The following MPP7 variants were observed in gnomAD, a reference collection of about 807,000 sequenced individuals.
MPP7 encodes the protein MAGUK p55 subfamily member 7.
Under a neutral mutation model 76.5 loss-of-function variants are expected in MPP7, and 60 were observed. The ratio of observed to expected loss-of-function variants is 0.78; its 90% confidence interval spans 0.64 to 0.97. The LOEUF (loss-of-function observed/expected upper bound fraction) is 0.97. MPP7 is among the 50% of genes least tolerant of loss of function. The pLI is 0.00. For synonymous variants in MPP7, 237 were observed against 244.5 expected (o/e 0.97, Z 0.29); for missense variants, 641 against 694.0 (o/e 0.92, Z 0.86).
At chr10:28,089,873 A>G in intron 11 of MPP7, 32 bp from the exon 12 acceptor site, 1 of 1,154,178 alleles carries the variant, frequency 8.7e-7, no homozygotes, top group Non-Finnish European at 1.2e-6. Flanking sequence ...TATTTTTAGT[A>G]ACATCAACCA....
At chr10:28,211,372 G>A (rs1232305008) in intron 2 of MPP7, among the ~76,000 whole-genome samples, 1 of 151,896 alleles carries the variant, frequency 6.6e-6, no homozygotes, top group Non-Finnish European at 1.5e-5. Flanking sequence ...GAGATGGTAT[G>A]TATTTTACAC....
intron 1 of MPP7, among the ~76,000 whole-genome samples, chr10:28,290,128 A>G (rs1840880361): frequency 6.6e-6 from 1 of 152,088 alleles, no homozygotes; most frequent in Non-Finnish European, 1.5e-5. Flanking sequence ...CAAACCATTG[A>G]TTTCTAATGC....
At chr10:28,191,797 A>G (rs947033840) in intron 3 of MPP7, among the ~76,000 whole-genome samples, 20 of 152,196 alleles carry the variant, frequency 1.3e-4, no homozygotes, top group Non-Finnish European at 4.4e-5. Context: ...TATGCTAAAC[A>G]AGAAAATCAT....
intron 1 of MPP7, among the ~76,000 whole-genome samples, chr10:28,241,777 A>G (rs1839278332): frequency 6.6e-6 from 1 of 152,316 alleles, no homozygotes; most frequent in African/African-American, 2.4e-5. Flanking sequence ...ACAATACCCA[A>G]TAGAACGATT....
intron 2 of MPP7, among the ~76,000 whole-genome samples, chr10:28,321,359 T>C (rs1432449574): frequency 6.6e-6 from 1 of 152,170 alleles, no homozygotes; most frequent in Admixed American, 6.5e-5. Flanking sequence ...ATACACATCT[T>C]CCTGGATTAT....
chr10:28,154,185 A>C (rs1340980510), intron 3 of MPP7, among the ~76,000 whole-genome samples: 1 of 152,182 alleles, frequency 6.6e-6, no homozygotes, highest in East Asian at 1.9e-4. Context: ...ACAAACTCTT[A>C]AAGCAGACTT....
chr10:28,150,673 T>A (rs897449434), intron 3 of MPP7, among the ~76,000 whole-genome samples: 1 of 152,048 alleles, frequency 6.6e-6, no homozygotes, highest in African/African-American at 2.4e-5. Flanking sequence ...AACGAAGGGA[T>A]TTTTCATAAC....
rs78542158 is a variant in MPP7 at position 28,236,007 on chromosome 10, G to A, written c.37+2561C>T. ...ATGACCATTAAACAAATGGAAATAC[G>A]CTAGCTATCACTAGTAACGCACATT... On this transcript the variant is annotated intron_variant, in intron 2 of 16. Transcript: ENST00000683449. Among the ~76,000 whole-genome samples, 19 of 152,272 alleles carry A rather than the reference G, an allele frequency of 1.2e-4. No homozygotes were observed. In the East Asian group the frequency reaches 3.3e-3, roughly 26 times the overall value.
At chr10:28,220,844 G>A (rs1172013980) in intron 2 of MPP7, among the ~76,000 whole-genome samples, 1 of 152,098 alleles carries the variant, frequency 6.6e-6, no homozygotes, top group African/African-American at 2.4e-5. Context: ...CGGGACAAAA[G>A]CATAAAAAAC....
chr10:28,109,578 C>T (rs981877401), intron 11 of MPP7, among the ~76,000 whole-genome samples: 8 of 151,894 alleles, frequency 5.3e-5, no homozygotes, highest in Non-Finnish European at 8.8e-5. Flanking sequence ...TTGTGTCCAG[C>T]CCATTGAGCC....
chr10:28,233,971 G>GAGAGAAA (rs905306220), intron 2 of MPP7, among the ~76,000 whole-genome samples: 1 of 151,134 alleles, frequency 6.6e-6, no homozygotes, highest in Non-Finnish European at 1.5e-5. Flanking sequence ...GAGGAAGGAG[G>GAGAGAAA]AGAGAAAAGA....
At chr10:28,247,124 T>G (rs1255886385) in intron 1 of MPP7, among the ~76,000 whole-genome samples, 2 of 152,208 alleles carry the variant, frequency 1.3e-5, no homozygotes, top group Non-Finnish European at 2.9e-5. Flanking sequence ...ATTTACATTG[T>G]TATTTCCTAA....
chr10:28,211,530 GAT>G (rs1266719189), intron 2 of MPP7, among the ~76,000 whole-genome samples: 1 of 151,700 alleles, frequency 6.6e-6, no homozygotes, highest in East Asian at 1.9e-4. Context: ...CTTTATATAA[GAT>G]ATATATAACT....
intron 3 of MPP7, among the ~76,000 whole-genome samples, chr10:28,175,824 G>A (rs7068246): frequency 0.29 from 44,510 of 151,884 alleles, 7,816 homozygotes; most frequent in East Asian, 0.48. Flanking sequence ...GAGCAACTAG[G>A]GGATGAATTT....
intron 1 of MPP7, among the ~76,000 whole-genome samples, chr10:28,280,620 A>G (rs1351345217): frequency 6.6e-6 from 1 of 152,110 alleles, no homozygotes; most frequent in Non-Finnish European, 1.5e-5. Flanking sequence ...GCATAAAAAA[A>G]ATGGTGTGAT....
chr10:28,274,741 C>T (rs1226157992), intron 1 of MPP7, among the ~76,000 whole-genome samples: 1 of 152,176 alleles, frequency 6.6e-6, no homozygotes, highest in African/African-American at 2.4e-5. Flanking sequence ...CTTCCTGCTA[C>T]AGAAAGGTTA....
chr10:28,257,456 G>A (rs1029735779), intron 1 of MPP7, among the ~76,000 whole-genome samples: 5 of 151,892 alleles, frequency 3.3e-5, no homozygotes, highest in Non-Finnish European at 5.9e-5. Context: ...GGACATGGAT[G>A]AAATTGGAAA....
chr10:28,204,578 T>C (rs1037356848), intron 2 of MPP7, among the ~76,000 whole-genome samples: 7 of 152,192 alleles, frequency 4.6e-5, no homozygotes, highest in African/African-American at 1.4e-4. Context: ...TGCAAGACTC[T>C]ATTATAATTA....
chr10:28,184,200 A>G (rs12359230), intron 3 of MPP7, among the ~76,000 whole-genome samples: 74,072 of 127,120 alleles, frequency 0.58, 20,851 homozygotes, highest in Middle Eastern at 0.74. Context: ...CAAAATATAT[A>G]TATCTTTATA....
Sources: allele counts gnomAD v4.1 joint callset (sites outside exome capture counted in the v4.1 genomes callset), GRCh38; gene constraint gnomAD v4.1.1; transcripts MANE v1.5; gene names NCBI Gene and HGNC (gene_info 2026-07-23, HGNC 2026-07-21).